The following ZNF787 variants were observed in gnomAD, a reference collection of about 807,000 sequenced individuals.
ZNF787 encodes TTF-I-interacting peptide 20.
In ZNF787, 7 loss-of-function variants were observed where a neutral mutation model predicts 16.9. The ratio of observed to expected loss-of-function variants is 0.42; its 90% CI spans 0.24 to 0.78. The LOEUF (loss-of-function observed/expected upper bound fraction) is 0.78, where lower values mean the gene tolerates loss of function less well. Among genes scored for constraint, ZNF787 ranks in the 30% least tolerant of loss-of-function variants. ZNF787 has a pLI of 0.30. For synonymous variants in ZNF787, 345 were observed against 270.9 expected, an observed-to-expected ratio of 1.27 and a Z score of -2.69; for missense variants, 551 against 589.3, an observed-to-expected ratio of 0.94 and a Z score of 0.67.
At position 56,105,957 on chromosome 19, in the gene ZNF787, C is replaced by T. The variant is rs868048185; in HGVS notation, c.-10-2730G>A. Reference sequence around the variant, plus strand: ...GGCAGTCACCGCGCATTCCCCCCTCCGCGCCCACGGCAGTCACCGCGCATT... The same window carrying T: ...GGCAGTCACCGCGCATTCCCCCCTCTGCGCCCACGGCAGTCACCGCGCATT... On this transcript the variant is annotated intron_variant, in intron 1 of 2. Coordinates refer to ENST00000610935, the MANE Select transcript of ZNF787 (RefSeq NM_001002836.4). Among the ~76,000 whole-genome samples the T allele has an allele frequency of 5.1e-3, 737 of 143,990 alleles. 19 individuals carry two copies. Among genetic ancestry groups the T allele is most frequent in the African/African-American group, 0.019 (700 of 36,882 alleles). The allele number at this position is 143,990 out of a possible 152,430, so 94.5% of individuals were successfully genotyped here.
At position 56,090,548 on chromosome 19, in the gene ZNF787, G is replaced by A. The variant is rs377473656; in HGVS notation, c.80-1456C>T. ...TAAAAACATTTATGCACTGCCCGGA[G>A]CGGTGGCTCACGCCTGTAATCCCAG... is the stretch of plus-strand genomic sequence containing the variant. On this transcript the variant is annotated intron_variant, in intron 2 of 2. Transcript: ENST00000610935. 2.3e-4 allele frequency among the ~76,000 whole-genome samples: 35 copies of A among 152,256 alleles called. No individual in the cohort carries two copies. In the East Asian group the frequency reaches 3.9e-3, roughly 17 times the overall value.
chr19:56,110,985 G>C (rs1244669807), intron 1 of ZNF787, among the ~76,000 whole-genome samples: 1 of 152,232 alleles, frequency 6.6e-6, no homozygotes, highest in Non-Finnish European at 1.5e-5. Flanking sequence ...GCTGACCCCG[G>C]GCGGGGAGCG....
rs574540109 is a variant in ZNF787 at position 56,106,020 on chromosome 19, C to T, written c.-10-2793G>A. 1.0e-4 allele frequency among the ~76,000 whole-genome samples: 14 copies of T among 139,984 alleles called. No individual in the cohort carries two copies. The South Asian group carries it at 2.1e-3, about 21-fold the overall frequency. 91.8% of individuals were successfully genotyped at this position (139,984 alleles called of 152,430 possible). A position where few individuals can be genotyped will look rare whatever the true frequency, so the allele number is the denominator to read the frequency against. ...CCCACGGCAGTCACCGCGCATTCCG[C>T]ATTCCCCCCTCCGCGCCCACGGCAG... On this transcript the variant is annotated intron_variant, in intron 1 of 2. Coordinates refer to ENST00000610935, the MANE Select transcript of ZNF787 (RefSeq NM_001002836.4).
At chr19:56,095,246 C>G (rs1390249627) in intron 2 of ZNF787, among the ~76,000 whole-genome samples, 1 of 152,210 alleles carries the variant, frequency 6.6e-6, no homozygotes, top group Non-Finnish European at 1.5e-5. Context: ...GCTCATGCGC[C>G]ACTCACCTCC....
In ZNF787 at chr19:56,106,507, T is replaced by A. The variant is rs373294225; in HGVS notation, c.-10-3280A>T. Among the ~76,000 whole-genome samples, 117 of 152,264 alleles carry A rather than the reference T, an allele frequency of 7.7e-4. 1 individual carries two copies. Among genetic ancestry groups the A allele is most frequent in the African/African-American group, 2.7e-3 (112 of 41,550 alleles). Reference sequence around the variant, plus strand: ...TCTTCAATTCTGTGTCTTATCAGAGTTGCCTACTGAGGTGGAGGCGGGCAC... The same window carrying A: ...TCTTCAATTCTGTGTCTTATCAGAGATGCCTACTGAGGTGGAGGCGGGCAC... On this transcript the variant is annotated intron_variant, in intron 1 of 2. Transcript: ENST00000610935.
At chr19:56,093,017 G>A (rs1171593290) in intron 2 of ZNF787, among the ~76,000 whole-genome samples, 1 of 151,368 alleles carries the variant, frequency 6.6e-6, no homozygotes, top group Non-Finnish European at 1.5e-5. Context: ...AGGAGGTGGC[G>A]GAAGTGGGCT....
chr19:56,093,157 G>C (rs1310080504), intron 2 of ZNF787, among the ~76,000 whole-genome samples: 2 of 150,064 alleles, frequency 1.3e-5, no homozygotes, highest in African/African-American at 4.9e-5. Context: ...GCGGAACTGG[G>C]ATATTCCATA....
intron 1 of ZNF787, among the ~76,000 whole-genome samples, chr19:56,113,915 C>T (rs1053921468): frequency 6.6e-6 from 1 of 152,166 alleles, no homozygotes; most frequent in Non-Finnish European, 1.5e-5. Flanking sequence ...CTGCAACCTT[C>T]GCCTCCCGGG....
At chr19:56,114,281 G>A (rs981407994) in intron 1 of ZNF787, among the ~76,000 whole-genome samples, 2 of 152,070 alleles carry the variant, frequency 1.3e-5, no homozygotes, top group African/African-American at 2.4e-5. Context: ...CTTAAGGACC[G>A]GCCCCACTCC....
intron 1 of ZNF787, among the ~76,000 whole-genome samples, chr19:56,117,951 G>C (rs1041095914): frequency 5.3e-5 from 8 of 152,256 alleles, no homozygotes. Context: ...TAGCACAAGA[G>C]AGACGTCCAC....
Position 56,088,037 on chromosome 19 carries a change from C to CT in ZNF787, c.1134_1135insA (p.Gly379ArgfsTer84). ...GGGCCCCTCCCCTACCGGCCCTCCC[C>CT]ACCGCGGCACTCGGGGCACCGCCCG... On this transcript the variant is annotated frameshift_variant, in exon 3 of 3. Transcript: ENST00000610935. LOFTEE classifies it high-confidence loss of function. This position sits in a 1 kb window ranked among gnomAD's most constrained non-coding sequence, Gnocchi z 8.6. 4 of 1,309,356 alleles carry CT rather than the reference C, an allele frequency of 3.1e-6. No individual in the cohort carries two copies. Among genetic ancestry groups the CT allele is most frequent in the South Asian group, 1.9e-5 (1 of 51,772 alleles). The allele number at this position is 1,309,356 out of a possible 1,614,324, so 81.1% of individuals were successfully genotyped here.
rs1015199776 is a variant in ZNF787 at position 56,087,778 on chromosome 19, G to A, written c.*245C>T. On this transcript the variant is annotated 3_prime_UTR_variant, in exon 3 of 3. Transcript: ENST00000610935. ...TCTCCATTGTCTCTCCGGCTCGCAG[G>A]CCGATAACTTAGGAAGGGCGGGCCA... 7.7e-6 allele frequency: 4 copies of A among 522,010 alleles called. No homozygotes were observed. Among genetic ancestry groups the A allele is most frequent in the East Asian group, 4.7e-5 (1 of 21,476 alleles). 32.3% of individuals were successfully genotyped at this position (522,010 alleles called of 1,614,324 possible). A position where few individuals can be genotyped will look rare whatever the true frequency, so the allele number is the denominator to read the frequency against.
intron 2 of ZNF787, chr19:56,101,700 A>AT (rs1469927249): frequency 6.6e-6 from 1 of 152,094 alleles, no homozygotes; most frequent in Non-Finnish European, 1.5e-5. Flanking sequence ...TGTGATGGAT[A>AT]TTTTCTCTAA....
chr19:56,091,884 A>AGC (rs1283037059), intron 2 of ZNF787, among the ~76,000 whole-genome samples: 1 of 152,216 alleles, frequency 6.6e-6, no homozygotes, highest in Non-Finnish European at 1.5e-5. Flanking sequence ...GGCCAAGATG[A>AGC]GCCGCTCCAC....
intron 2 of ZNF787, among the ~76,000 whole-genome samples, chr19:56,091,906 GC>G (rs1471396443): frequency 2.9e-4 from 12 of 41,502 alleles, no homozygotes; most frequent in African/African-American, 6.0e-4. Context: ...TGCCGCAGCC[GC>G]AGCCGCAGCC....
At chr19:56,107,650 A>G (rs988867265) in intron 1 of ZNF787, among the ~76,000 whole-genome samples, 1 of 134,632 alleles carries the variant, frequency 7.4e-6, no homozygotes, top group African/African-American at 2.8e-5. Flanking sequence ...AAGGAAGCAC[A>G]CGGGGAGGGG....
intron 2 of ZNF787, among the ~76,000 whole-genome samples, chr19:56,095,805 C>T (rs1985847409): frequency 6.6e-6 from 1 of 152,232 alleles, no homozygotes; most frequent in African/African-American, 2.4e-5. Context: ...ACTTCAGCTG[C>T]TGGTCCTAAA....
chr19:56,089,479 C>T (rs1389839057), intron 2 of ZNF787, among the ~76,000 whole-genome samples: 4 of 152,130 alleles, frequency 2.6e-5, no homozygotes, highest in Admixed American at 1.3e-4. Flanking sequence ...GGAAGGCTCA[C>T]GGGCAAAGGT....
intron 1 of ZNF787, among the ~76,000 whole-genome samples, chr19:56,118,240 G>A (rs2030193253): frequency 6.6e-6 from 1 of 152,186 alleles, no homozygotes; most frequent in Non-Finnish European, 1.5e-5. Flanking sequence ...CTTGGGGGTT[G>A]CATGGATCTC....
Sources: gnomAD v4.1 joint callset for allele counts (sites outside exome capture counted in the v4.1 genomes callset) on GRCh38, gnomAD v4.1.1 for gene constraint, Gnocchi (gnomAD v3.1) non-coding constraint, MANE v1.5 for transcripts, NCBI Gene and HGNC (gene_info 2026-07-23, HGNC 2026-07-21) for gene names.